The following COL25A1 variants were observed in gnomAD, a reference collection of about 807,000 sequenced individuals.
COL25A1 encodes the protein collagen type XXV alpha 1 chain, also known as collagen alpha-1(XXV) chain.
COL25A1 carries 103 observed loss-of-function variants against 128.4 expected under a neutral mutation model. That is an observed-to-expected ratio of 0.80 (90% confidence interval 0.68 to 0.94). COL25A1 has a LOEUF of 0.94. Among genes scored for constraint, COL25A1 ranks in the 40% least tolerant of loss-of-function variants. The pLI, the probability that COL25A1 is intolerant of heterozygous loss-of-function variation, is 0.00. For synonymous variants in COL25A1, 279 were observed against 277.2 expected, an observed-to-expected ratio of 1.01 and a Z score of -0.06; for missense variants, 745 against 840.0, an observed-to-expected ratio of 0.89 and a Z score of 1.40.
chr4:108,914,094 T>A (rs547620869), intron 13 of COL25A1, among the ~76,000 whole-genome samples: 1 of 152,318 alleles, frequency 6.6e-6, no homozygotes, highest in East Asian at 1.9e-4. Context: ...AGGTAGGATT[T>A]GCTTTAGATC....
rs908190598 is a variant in COL25A1, at chr4:109,253,862, C to T, written c.367+46721G>A. Among the ~76,000 whole-genome samples, 14 of 152,134 alleles carry T rather than the reference C, an allele frequency of 9.2e-5. No individual in the cohort carries two copies. In the East Asian group the frequency reaches 9.7e-4, roughly 11 times the overall value. On this transcript the variant is annotated intron_variant, in intron 3 of 37. Transcript: ENST00000399132. ...CAGCACTTTGGGAGGCCAAGGCGGG[C>T]GGATCACGAGGTCAGGAGATTGAGA...
At chr4:108,831,421 T>C (rs2125728000) in intron 32 of COL25A1, among the ~76,000 whole-genome samples, 1 of 152,274 alleles carries the variant, frequency 6.6e-6, no homozygotes, top group South Asian at 2.1e-4. Flanking sequence ...GGAAGGTATG[T>C]TAAAGAAATG....
chr4:109,152,329 A>C (rs960693614), intron 3 of COL25A1, among the ~76,000 whole-genome samples: 1 of 152,228 alleles, frequency 6.6e-6, no homozygotes, highest in African/African-American at 2.4e-5. Flanking sequence ...ACACAAACTC[A>C]TTAGCATATA....
chr4:109,294,628 T>C (rs908090365), intron 3 of COL25A1, among the ~76,000 whole-genome samples: 1 of 152,112 alleles, frequency 6.6e-6, no homozygotes, highest in African/African-American at 2.4e-5. Context: ...TATTTAACCA[T>C]TGCACACTAG....
intron 3 of COL25A1, among the ~76,000 whole-genome samples, chr4:109,115,826 A>G (rs1767491484): frequency 1.3e-5 from 2 of 152,076 alleles, no homozygotes; most frequent in African/African-American, 4.8e-5. Flanking sequence ...TAAAAGGAGC[A>G]CGAGATGGAG....
At chr4:108,834,244 C>T in intron 31 of COL25A1, 1 of 1,149,254 alleles carries the variant, frequency 8.7e-7, no homozygotes, top group South Asian at 1.4e-5. Context: ...TACTCCAGCT[C>T]TAAGTACACC....
At chr4:108,900,875 A>G (rs1222880160) in intron 14 of COL25A1, among the ~76,000 whole-genome samples, 1 of 152,156 alleles carries the variant, frequency 6.6e-6, no homozygotes, top group African/African-American at 2.4e-5. Flanking sequence ...TTATTTAAGT[A>G]TCTCAGAATA....
At chr4:109,147,860 T>A (rs372233073) in intron 3 of COL25A1, among the ~76,000 whole-genome samples, 3 of 151,864 alleles carry the variant, frequency 2.0e-5, no homozygotes, top group Non-Finnish European at 4.4e-5. Flanking sequence ...TATTTACATA[T>A]TTAAAAATGA....
chr4:108,902,963 T>G (rs1272501328), intron 13 of COL25A1, among the ~76,000 whole-genome samples: 6 of 151,786 alleles, frequency 4.0e-5, no homozygotes, highest in Non-Finnish European at 8.8e-5. Flanking sequence ...AGCACTAATA[T>G]CATAACTCAT....
chr4:109,168,402 G>A (rs1773274314), intron 3 of COL25A1, among the ~76,000 whole-genome samples: 1 of 152,116 alleles, frequency 6.6e-6, no homozygotes, highest in African/African-American at 2.4e-5. Context: ...CTTTGTAAAT[G>A]CAACGACTTT....
At chr4:109,098,375 C>T (rs1765580743) in intron 3 of COL25A1, among the ~76,000 whole-genome samples, 1 of 152,166 alleles carries the variant, frequency 6.6e-6, no homozygotes, top group Admixed American at 6.5e-5. Context: ...CACCTCTGGA[C>T]AAGTGGCTGT....
chr4:109,054,516 G>A (rs1179629413), intron 3 of COL25A1, among the ~76,000 whole-genome samples: 1 of 152,076 alleles, frequency 6.6e-6, no homozygotes, highest in Non-Finnish European at 1.5e-5. Flanking sequence ...TCATCAATAA[G>A]AATAGTAAGC....
chr4:109,214,863 C>T (rs760466926), intron 3 of COL25A1, among the ~76,000 whole-genome samples: 3 of 152,082 alleles, frequency 2.0e-5, no homozygotes, highest in Admixed American at 1.3e-4. Flanking sequence ...GCTGGCATAG[C>T]GCTAACGAGA....
At chr4:108,872,576 G>C (rs1378637207) in intron 19 of COL25A1, among the ~76,000 whole-genome samples, 1 of 152,088 alleles carries the variant, frequency 6.6e-6, no homozygotes, top group Admixed American at 6.5e-5. Flanking sequence ...TTACATATCT[G>C]CATGAGGCCA....
At chr4:109,249,434 T>C (rs911827534) in intron 3 of COL25A1, among the ~76,000 whole-genome samples, 1 of 138,890 alleles carries the variant, frequency 7.2e-6, no homozygotes, top group African/African-American at 2.6e-5. Flanking sequence ...GTTAGATGCT[T>C]GGGGTGGGTG....
At chr4:109,145,817 G>T (rs1770888840) in intron 3 of COL25A1, among the ~76,000 whole-genome samples, 1 of 151,410 alleles carries the variant, frequency 6.6e-6, no homozygotes, top group South Asian at 2.1e-4. Flanking sequence ...CTCTAGCCTG[G>T]GCAACAAGAG....
intron 3 of COL25A1, among the ~76,000 whole-genome samples, chr4:109,124,014 A>T (rs1364154766): frequency 6.6e-6 from 1 of 152,166 alleles, no homozygotes; most frequent in Non-Finnish European, 1.5e-5. Context: ...TTACATTAAA[A>T]GTTCAGAGTA....
intron 3 of COL25A1, among the ~76,000 whole-genome samples, chr4:109,281,092 T>C (rs1723344883): frequency 6.6e-6 from 1 of 152,154 alleles, no homozygotes; most frequent in Non-Finnish European, 1.5e-5. Context: ...AGAAGTTAAT[T>C]AATTAATTGG....
intron 3 of COL25A1, among the ~76,000 whole-genome samples, chr4:109,246,483 T>C (rs946545724): frequency 1.3e-5 from 2 of 152,136 alleles, no homozygotes; most frequent in African/African-American, 4.8e-5. Flanking sequence ...CTCAAGGAAT[T>C]CTTGTTTTCT....
Sources: gnomAD v4.1 joint callset for allele counts (sites outside exome capture counted in the v4.1 genomes callset) on GRCh38, gnomAD v4.1.1 for gene constraint, MANE v1.5 for transcripts, NCBI Gene and HGNC (gene_info 2026-07-23, HGNC 2026-07-21) for gene names.